NDRG4: variants seen among roughly 807,000 people sequenced by gnomAD.
NDRG4 encodes the protein protein NDRG4.
In NDRG4, 38 loss-of-function variants were observed where a neutral mutation model predicts 55.8. That is an observed-to-expected ratio of 0.68 (90% CI 0.53 to 0.89). The LOEUF is 0.89. Ranked by LOEUF, NDRG4 falls within the 40% of genes least tolerant of loss-of-function variation. The pLI, the probability that NDRG4 is intolerant of heterozygous loss-of-function variation, is 0.00. For synonymous variants in NDRG4, 190 were observed against 182.7 expected, an observed-to-expected ratio of 1.04 and a Z score of -0.32; for missense variants, 455 against 468.6, an observed-to-expected ratio of 0.97 and a Z score of 0.27.
At chr16:58,503,753 G>T (rs1239659576) in intron 1 of NDRG4, 45 bp from the exon 2 acceptor site, 10 of 1,611,968 alleles carry the variant, frequency 6.2e-6, no homozygotes, top group Non-Finnish European at 8.5e-6. Flanking sequence ...GAGGAGCCAA[G>T]AGCGGAGGCT....
At chr16:58,496,577 C>T (rs1250908726), upstream of NDRG4, among the ~76,000 whole-genome samples, 1 of 151,954 alleles carries the variant, frequency 6.6e-6, no homozygotes, top group Non-Finnish European at 1.5e-5. Flanking sequence ...AGCAGAGGGA[C>T]TAACATGAGC....
intron 1 of NDRG4, among the ~76,000 whole-genome samples, chr16:58,471,759 G>A (rs2032868438): frequency 6.6e-6 from 1 of 152,188 alleles, no homozygotes; most frequent in Non-Finnish European, 1.5e-5. Context: ...TGGCGGGGGT[G>A]GTCGGGCAGG....
At chr16:58,514,386 G>A (rs560767927), downstream of NDRG4, among the ~76,000 whole-genome samples, 2 of 152,006 alleles carry the variant, frequency 1.3e-5, no homozygotes, top group Non-Finnish European at 2.9e-5. Flanking sequence ...TACAGAGTAG[G>A]TATTATCTTA....
intron 1 of NDRG4, among the ~76,000 whole-genome samples, chr16:58,474,153 C>T (rs193207273): frequency 0.23 from 34,382 of 150,072 alleles, 4,424 homozygotes; most frequent in Non-Finnish European, 0.28. Context: ...TCTCCTGCCT[C>T]AGCCTCCCAA....
downstream of NDRG4, among the ~76,000 whole-genome samples, chr16:58,515,253 C>T (rs2039075229): frequency 6.6e-6 from 1 of 152,238 alleles, no homozygotes; most frequent in Non-Finnish European, 1.5e-5. Context: ...CCGCAAGAAG[C>T]CTCAGCCCTC....
At position 58,511,708 on chromosome 16, in the gene NDRG4, G is replaced by T. The variant is rs965141770; in HGVS notation, c.*132G>T. 5.6e-6 allele frequency: 6 copies of T among 1,062,612 alleles called. No individual in the cohort carries two copies. The Admixed American group carries it at 5.7e-5, about 10-fold the overall frequency. 65.8% of individuals were successfully genotyped at this position (1,062,612 alleles called of 1,614,324 possible). ...GGGTTCTGTTTGAAAAAAATGAGGG[G>T]ATCTTAGATGCTGCAGCAGAACAGT... On this transcript the variant is annotated 3_prime_UTR_variant, in exon 15 of 15. Transcript: ENST00000570248.
intron 2 of NDRG4, among the ~76,000 whole-genome samples, chr16:58,488,507 G>T (rs1465398144): frequency 1.3e-5 from 2 of 152,150 alleles, no homozygotes; most frequent in African/African-American, 4.8e-5. Context: ...AAAAGTGTGG[G>T]TTCCCTGCTT....
chr16:58,469,658 A>G (rs1306942090), intron 1 of NDRG4, among the ~76,000 whole-genome samples: 2 of 152,236 alleles, frequency 1.3e-5, no homozygotes, highest in African/African-American at 4.8e-5. Context: ...AACCCCAGGT[A>G]GCTACGAATT....
At chr16:58,500,376 C>T (rs2036923807) in intron 1 of NDRG4, 107 bp downstream of exon 1, 4 of 1,429,240 alleles carry the variant, frequency 2.8e-6, no homozygotes, top group Admixed American at 2.2e-5. Context: ...GGTGGCAGCC[C>T]GGCCTTCAAA....
intron 2 of NDRG4, chr16:58,494,822 A>G: frequency 1.6e-6 from 1 of 622,350 alleles, no homozygotes; most frequent in African/African-American, 2.3e-5. Flanking sequence ...ATAGAGTGAG[A>G]CCCTGTCTCT....
intron 1 of NDRG4, among the ~76,000 whole-genome samples, chr16:58,468,554 C>T (rs1308334264): frequency 6.6e-6 from 1 of 152,124 alleles, no homozygotes; most frequent in Admixed American, 6.5e-5. Context: ...AACCCCGTCT[C>T]TACCAAAAAT....
At chr16:58,494,844 A>AAC in intron 2 of NDRG4, 1 of 810,754 alleles carries the variant, frequency 1.2e-6, no homozygotes, top group Non-Finnish European at 1.9e-6. Context: ...AAAAAAAAAA[A>AAC]AAAGAAAAGA....
intron 1 of NDRG4, among the ~76,000 whole-genome samples, chr16:58,482,079 C>G (rs550951015): frequency 2.6e-5 from 4 of 152,272 alleles, no homozygotes; most frequent in African/African-American, 9.6e-5. Context: ...GGTGCAGAGG[C>G]CTGGACATGA....
rs766705091 is a variant in NDRG4, at chr16:58,507,948, C to A, written c.678C>A (p.Arg226=). The part of the protein sequence containing the change: ...PGTVPNAKTL[R]CPVMLVVGDN... ...CAGCCCTTTTCCTCTGTATCTGCAGCTGCCCCGTGATGCTGGTGGTTGGGG... is the reference window on the plus strand; with the variant it reads ...CAGCCCTTTTCCTCTGTATCTGCAGATGCCCCGTGATGCTGGTGGTTGGGG... The change falls in exon 10 of 15, where the codon CGC becomes CGA. Residue 226 remains arginine, a splice_region_variant and synonymous_variant. Coordinates refer to ENST00000570248, the MANE Select transcript of NDRG4 (RefSeq NM_001242835.2). The A allele has an allele frequency of 1.2e-6, 2 of 1,607,674 alleles. No individual in the cohort carries two copies. The highest frequency in any genetic ancestry group is 1.3e-5 in the African/African-American group (1 of 74,978).
intron 2 of NDRG4, among the ~76,000 whole-genome samples, chr16:58,492,127 C>G (rs2151713965): frequency 6.6e-6 from 1 of 152,298 alleles, no homozygotes; most frequent in South Asian, 2.1e-4. Flanking sequence ...GGTGCAAATT[C>G]TTTCAGTCCA....
chr16:58,508,312 G>C (rs770095871), intron 10 of NDRG4, among the ~76,000 whole-genome samples: 6 of 152,192 alleles, frequency 3.9e-5, no homozygotes, highest in Non-Finnish European at 8.8e-5. Context: ...CAGGGTGTAC[G>C]ATCTTTTTTC....
At chr16:58,495,369 T>C (rs144305468), upstream of NDRG4, 879 of 225,108 alleles carry the variant, frequency 3.9e-3, 11 homozygotes, top group African/African-American at 0.018. Flanking sequence ...GCGCCCTTTG[T>C]TTTTATTCCT....
Position 58,464,445 on chromosome 16 carries a change from A to ACAC in NDRG4, c.-24+650_-24+652dup. On this transcript the variant is annotated intron_variant, in intron 1 of 15. Coordinates refer to the NDRG4 transcript ENST00000258187. This position sits in a 1 kb window ranked among gnomAD's most constrained non-coding sequence, Gnocchi z 4.8. Reference sequence around the variant, plus strand: ...CGGGCGCCGAGATGAAGGTGCTGGGACACCGGCTGGAGCTGCTCACAGGTA... The same window carrying ACAC: ...CGGGCGCCGAGATGAAGGTGCTGGGACACCACCGGCTGGAGCTGCTCACAGGTA... 1 of 1,357,808 alleles carries ACAC rather than the reference A, an allele frequency of 7.4e-7. No homozygotes were observed. Among genetic ancestry groups the ACAC allele is most frequent in the Non-Finnish European group, 9.5e-7 (1 of 1,057,034 alleles). 84.1% of individuals were successfully genotyped at this position (1,357,808 alleles called of 1,614,324 possible).
In NDRG4 at chr16:58,511,569, C is replaced by G; in HGVS notation, c.1052C>G (p.Ser351Cys). ...CAGGTCAACCACACCATGGAGGTGT[C>G]CTGTTGAAGCCCTTGATCCCGCTGA... is the stretch of plus-strand genomic sequence containing the variant. ...LGQVNHTMEV[S>C]C is the part of the protein sequence containing the mutation. The change falls in exon 15 of 15, where the codon TCC becomes TGC. Residue 351 changes from serine (S) to cysteine (C), a missense_variant. By Grantham distance (112) the Ser-to-Cys change is moderately radical (BLOSUM62 -1). Coordinates refer to ENST00000570248, the MANE Select transcript of NDRG4 (RefSeq NM_001242835.2). 2 of 1,613,108 alleles carry G rather than the reference C, an allele frequency of 1.2e-6. No homozygotes were observed. The highest frequency in any genetic ancestry group is 1.7e-6 in the Non-Finnish European group (2 of 1,179,978).
Sources: gnomAD v4.1 joint callset for allele counts (sites outside exome capture counted in the v4.1 genomes callset) on GRCh38, gnomAD v4.1.1 for gene constraint, Gnocchi (gnomAD v3.1) non-coding constraint, MANE v1.5 for transcripts, NCBI Gene and HGNC (gene_info 2026-07-23, HGNC 2026-07-21) for gene names.